Variants in DOCK11 observed in about 807,000 individuals in gnomAD.
DOCK11 encodes the protein dedicator of cytokinesis protein 11.
A neutral mutation model predicts 169.1 loss-of-function variants in DOCK11; 70 were observed. The observed-to-expected ratio is 0.41, with a 90% CI of 0.34 to 0.51. The LOEUF is 0.51. Ranked by LOEUF, DOCK11 falls within the 20% of genes least tolerant of loss-of-function variation. The pLI is 0.10. For synonymous variants in DOCK11, 529 were observed against 541.3 expected, an observed-to-expected ratio of 0.98 and a Z score of 0.32; for missense variants, 1,166 against 1,538.8, an observed-to-expected ratio of 0.76 and a Z score of 4.05.
At chrX:118,667,422 G>GTTT (rs72150871) in intron 45 of DOCK11, among the ~76,000 whole-genome samples, 3 of 98,097 alleles carry the variant, frequency 3.1e-5, no homozygotes, top group Admixed American at 1.1e-4. Flanking sequence ...TTTTAAGACA[G>GTTT]TTTTTTTTTT....
intron 12 of DOCK11, among the ~76,000 whole-genome samples, chrX:118,577,988 G>C (rs1237065286): frequency 8.9e-6 from 1 of 112,006 alleles, no homozygotes; most frequent in Non-Finnish European, 1.9e-5. Flanking sequence ...ATCTACATTA[G>C]TACATTTAAG....
intron 42 of DOCK11, among the ~76,000 whole-genome samples, chrX:118,652,692 G>A (rs1310883802): frequency 8.9e-6 from 1 of 111,851 alleles, no homozygotes; most frequent in African/African-American, 3.2e-5. Flanking sequence ...AAATTCATCT[G>A]TTGCTTTGTT....
intron 12 of DOCK11, 115 bp downstream of exon 12, chrX:118,574,133 C>G: frequency 1.3e-6 from 1 of 791,363 alleles, no homozygotes; most frequent in Admixed American, 3.7e-5. Context: ...CTTGTAAGGT[C>G]TGTCGATAGA....
intron 45 of DOCK11, among the ~76,000 whole-genome samples, chrX:118,665,140 G>A (rs912933670): frequency 8.9e-6 from 1 of 112,135 alleles, no homozygotes; most frequent in African/African-American, 3.2e-5. Context: ...GTCATGAAGT[G>A]TGAGAATAAT....
chrX:118,584,880 A>G (rs1175610959), intron 15 of DOCK11, 23 bp downstream of exon 15: 4 of 1,173,699 alleles, frequency 3.4e-6, no homozygotes, highest in East Asian at 3.0e-5. Flanking sequence ...TGTTTCTGCA[A>G]TAAGTAAATA....
chrX:118,569,192 A>G (rs1172566051), intron 10 of DOCK11, among the ~76,000 whole-genome samples: 1 of 99,839 alleles, frequency 1.0e-5, no homozygotes, highest in Non-Finnish European at 2.0e-5. Flanking sequence ...CTGCCTCCTC[A>G]AGCAGTTCTC....
Position 118,543,537 on chromosome X carries a change from G to A in DOCK11, c.336G>A (p.Trp112Ter), listed in dbSNP as rs1379380986. ...GTATTAAAACCTATAGCACAGATTG[G>A]CACGTGGTAAACTACAAGTATGAGG... ...KECIKTYSTD[W>*]HVVNYKYEDF... Residue 112 changes from tryptophan to a stop codon, truncating the protein, a stop_gained, in exon 4 of 53, where the codon TGG becomes TGA. Coordinates refer to ENST00000276202, the MANE Select transcript of DOCK11 (RefSeq NM_144658.4). LOFTEE classifies it high-confidence loss of function. The A allele has an allele frequency of 8.3e-7, 1 of 1,207,997 alleles. No homozygotes were observed. Among genetic ancestry groups the A allele is most frequent in the Non-Finnish European group, 1.1e-6 (1 of 892,194 alleles).
At chrX:118,677,463 T>C (rs1411799769) in intron 48 of DOCK11, among the ~76,000 whole-genome samples, 1 of 112,180 alleles carries the variant, frequency 8.9e-6, no homozygotes, top group Non-Finnish European at 1.9e-5. Flanking sequence ...GACTTAGAGC[T>C]GATTTTTAAG....
At chrX:118,582,408 GC>G (rs2013676867) in intron 14 of DOCK11, among the ~76,000 whole-genome samples, 1 of 111,709 alleles carries the variant, frequency 9.0e-6, no homozygotes, top group Non-Finnish European at 1.9e-5. Context: ...GCTGCTTGAT[GC>G]CGTTTTACCA....
rs752044086 is a variant in DOCK11 at position 118,661,112 on chromosome X, G to A, written c.4970-1574G>A. On this transcript the variant is annotated intron_variant, in intron 44 of 52. Coordinates refer to ENST00000276202, the MANE Select transcript of DOCK11 (RefSeq NM_144658.4). ...TAGTCCCAGCTACTTGGGAGGCTGA[G>A]GCAGAAGGATGGCTTGAGTCCAGGA... Among the ~76,000 whole-genome samples the A allele has an allele frequency of 2.8e-5, 3 of 108,482 alleles. No individual in the cohort carries two copies. In the East Asian group the frequency reaches 8.7e-4, roughly 31 times the overall value. The allele number at this position is 108,482 out of a possible 115,157, so 94.2% of individuals were successfully genotyped here.
At position 118,578,210 on chromosome X, in the gene DOCK11, A is replaced by G. The variant is rs776351097; in HGVS notation, c.1390-315A>G. Among the ~76,000 whole-genome samples, 25 of 112,100 alleles carry G rather than the reference A, an allele frequency of 2.2e-4. No individual in the cohort carries two copies. The Admixed American group carries it at 2.3e-3, about 10-fold the overall frequency. Reference sequence around the variant, plus strand: ...CTTGAGTTACATGCAGCTGCATTTAAAAATGTATATCTAGTTCCACTCGAG... The same window carrying G: ...CTTGAGTTACATGCAGCTGCATTTAGAAATGTATATCTAGTTCCACTCGAG... On this transcript the variant is annotated intron_variant, in intron 12 of 52. Transcript: ENST00000276202.
Position 118,639,507 on chromosome X carries a change from CA to C in DOCK11, c.4075del (p.Arg1359AspfsTer4), listed in dbSNP as rs1483709624. 2 of 1,211,056 alleles carry C rather than the reference CA, an allele frequency of 1.7e-6. No homozygotes were observed. The highest frequency in any genetic ancestry group is 2.2e-6 in the Non-Finnish European group (2 of 894,948). On this transcript the variant is annotated frameshift_variant, in exon 38 of 53. Transcript: ENST00000276202. LOFTEE classifies it high-confidence loss of function. ...KSQTMPALRNRSGVMQARLQH... is the reference protein window; with the variant it reads ...KSQTMPALRNXSGVMQARLQH... ...CGCAAACCATGCCTGCTCTTCGAAA[CA>C]GATCAGGAGTAATGCAGGCCCGGCT...
At chrX:118,648,779 A>G (rs2015875807) in intron 40 of DOCK11, among the ~76,000 whole-genome samples, 166 bp from the exon 41 acceptor site, 1 of 108,226 alleles carries the variant, frequency 9.2e-6, no homozygotes, top group Non-Finnish European at 1.9e-5. Flanking sequence ...GCTGGTGTTT[A>G]TGTTAACTAG....
chrX:118,662,937 G>C, intron 45 of DOCK11, 145 bp downstream of exon 45: 1 of 435,514 alleles, frequency 2.3e-6, no homozygotes, highest in African/African-American at 2.5e-5. Context: ...CCAGGGCAAA[G>C]ATGTTCCTGT....
rs146809317 is a variant in DOCK11, at chrX:118,583,882, G to T, written c.1596-853G>T. Among the ~76,000 whole-genome samples the T allele has an allele frequency of 5.1e-3, 567 of 111,519 alleles. 3 individuals carry two copies. The highest frequency in any genetic ancestry group is 0.018 in the African/African-American group (554 of 30,671). ...TAGTTGTTATACTGTATTCTTTAGTGAATAATGACAAGAAAGTCTATTTGT... is the reference window on the plus strand; with the variant it reads ...TAGTTGTTATACTGTATTCTTTAGTTAATAATGACAAGAAAGTCTATTTGT... On this transcript the variant is annotated intron_variant, in intron 14 of 52. Transcript: ENST00000276202.
chrX:118,684,702 C>T (rs1396855139), intron 52 of DOCK11, among the ~76,000 whole-genome samples: 1 of 111,924 alleles, frequency 8.9e-6, no homozygotes, highest in East Asian at 2.8e-4. Context: ...TAAGTACCCT[C>T]CTTGCCTGTC....
chrX:118,530,278 G>A (rs985221932), intron 1 of DOCK11, among the ~76,000 whole-genome samples: 2 of 112,988 alleles, frequency 1.8e-5, no homozygotes, highest in African/African-American at 6.4e-5. Context: ...CCATAATTCA[G>A]TGTATTACTC....
intron 16 of DOCK11, among the ~76,000 whole-genome samples, chrX:118,586,239 C>T (rs1282000356): frequency 1.8e-5 from 2 of 111,153 alleles, no homozygotes; most frequent in Non-Finnish European, 3.8e-5. Flanking sequence ...TTGTATTACT[C>T]CGTTTTTCAC....
In DOCK11 at chrX:118,641,297, T is replaced by C; in HGVS notation, c.4252T>C (p.Cys1418Arg). 1 of 1,168,864 alleles carries C rather than the reference T, an allele frequency of 8.6e-7. No homozygotes were observed. ...VLDTISFFTQCFKTQLLNNDG... is the reference protein window; with the variant it reads ...VLDTISFFTQRFKTQLLNNDG... ...AGACACCATATCATTTTTCACTCAG[T>C]GCTTCAAGGTAAAAATGAAGAGTTA... Residue 1418 changes from cysteine to arginine, a missense_variant, in exon 39 of 53, where the codon TGC (cysteine) becomes CGC (arginine). Transcript: ENST00000276202.
Sources: allele counts gnomAD v4.1 joint callset (sites outside exome capture counted in the v4.1 genomes callset), GRCh38; gene constraint gnomAD v4.1.1; transcripts MANE v1.5; gene names NCBI Gene and HGNC (gene_info 2026-07-23, HGNC 2026-07-21).